The following ITIH2 variants were observed in gnomAD, a reference collection of about 807,000 sequenced individuals.
ITIH2 encodes the protein inter-alpha-trypsin inhibitor heavy chain H2.
In ITIH2, 103 loss-of-function variants were observed where a neutral mutation model predicts 104.4. That is an observed-to-expected ratio of 0.99 (90% confidence interval 0.84 to 1.16). The LOEUF is 1.16. ITIH2 is among the 50% of genes most tolerant of loss of function. The pLI is 0.00. For missense variants in ITIH2, 1,108 were observed against 1,162.4 expected (o/e 0.95, Z 0.68); for synonymous variants, 436 against 435.4 (o/e 1.00, Z -0.02).
intron 13 of ITIH2, 121 bp from the exon 14 acceptor site, chr10:7,732,217 G>A (rs927888626): frequency 1.0e-4 from 123 of 1,197,100 alleles, no homozygotes; most frequent in African/African-American, 6.0e-4. Flanking sequence ...TCCTTCCTCC[G>A]TAGGCTTTGC....
chr10:7,723,093 A>C (rs1350288907), intron 8 of ITIH2, among the ~76,000 whole-genome samples: 1 of 128,238 alleles, frequency 7.8e-6, no homozygotes, highest in Non-Finnish European at 1.7e-5. Flanking sequence ...AGTGGAGTAG[A>C]GTGGAGTGGC....
intron 3 of ITIH2, among the ~76,000 whole-genome samples, chr10:7,708,178 G>A (rs1051965199): frequency 6.6e-6 from 1 of 152,220 alleles, no homozygotes; most frequent in Admixed American, 6.5e-5. Flanking sequence ...TGGGGAATGA[G>A]ACCTGGTATT....
At position 7,738,817 on chromosome 10, in the gene ITIH2, C is replaced by A. The variant is rs186992607; in HGVS notation, c.2095+59C>A. ...CTCAGCCGACCATAATCCTGGGAAG[C>A]ATTGTGTGCATGAGGCCAGGTGCAG... On this transcript the variant is annotated intron_variant, in intron 16 of 20. Coordinates refer to ENST00000358415, the MANE Select transcript of ITIH2 (RefSeq NM_002216.3). The A allele has an allele frequency of 7.0e-4, 1,061 of 1,506,426 alleles. 7 individuals are homozygous for A. In the African/African-American group the frequency reaches 0.013, roughly 18 times the overall value. The allele number at this position is 1,506,426 out of a possible 1,614,324, so 93.3% of individuals were successfully genotyped here.
At chr10:7,708,463 C>T (rs1392340855) in intron 3 of ITIH2, among the ~76,000 whole-genome samples, 1 of 152,162 alleles carries the variant, frequency 6.6e-6, no homozygotes, top group East Asian at 1.9e-4. Context: ...TCACTGTTCT[C>T]CTAGCTTGTT....
rs1263719528 is a variant in ITIH2, at chr10:7,749,249, T to G, written c.2756T>G (p.Val919Gly). ...VFGTDVTCWF[V>G]HNSGKGFIDG... ...GGAACGGACGTTACCTGCTGGTTTG[T>G]GCACAACAGTGGAAAAGGATTCATT... The change falls in exon 21 of 21, where the codon GTG becomes GGG. Residue 919 changes from valine (V) to glycine (G), a missense_variant. Transcript: ENST00000358415. The G allele has an allele frequency of 3.1e-6, 5 of 1,614,130 alleles. No individual in the cohort carries two copies. The highest frequency in any genetic ancestry group is 3.3e-5 in the Admixed American group (2 of 60,016).
intron 6 of ITIH2, among the ~76,000 whole-genome samples, chr10:7,719,900 G>A (rs1318336706): frequency 6.8e-6 from 1 of 146,208 alleles, no homozygotes; most frequent in Non-Finnish European, 1.5e-5. Flanking sequence ...ATAGGGTGGG[G>A]AATGATAGAC....
intron 11 of ITIH2, 31 bp from the exon 12 acceptor site, chr10:7,729,921 T>C: frequency 7.2e-6 from 11 of 1,530,782 alleles, no homozygotes; most frequent in Non-Finnish European, 9.7e-6. Flanking sequence ...TGCTTCTTCA[T>C]TCCTTTCCTT....
chr10:7,745,869 C>CG (rs1044149098), intron 19 of ITIH2, among the ~76,000 whole-genome samples: 4 of 151,338 alleles, frequency 2.6e-5, no homozygotes, highest in African/African-American at 9.7e-5. Context: ...ATTCTCTTCC[C>CG]TCAGCCTCCC....
At position 7,720,892 on chromosome 10, in the gene ITIH2, TTTC is replaced by T; in HGVS notation, c.671_673del (p.Leu224del). ...GGTTATCGAACCACAGGGACTGAGA[TTTC>T]TTCATGTTCCCGACACATTTGAAGG... On this transcript the variant is annotated inframe_deletion, in exon 7 of 21. Coordinates refer to ENST00000358415, the MANE Select transcript of ITIH2 (RefSeq NM_002216.3). The T allele has an allele frequency of 1.2e-6, 2 of 1,613,742 alleles. No individual in the cohort carries two copies. Among genetic ancestry groups the T allele is most frequent in the Non-Finnish European group, 1.7e-6 (2 of 1,179,616 alleles).
intron 16 of ITIH2, 86 bp from the exon 17 acceptor site, chr10:7,743,055 GATTAA>G (rs1377222787): frequency 1.6e-5 from 11 of 702,210 alleles, no homozygotes; most frequent in Admixed American, 2.6e-5. Context: ...TATTTGTTCT[GATTAA>G]ATTAAAGATG....
At chr10:7,744,376 T>G (rs1835156370) in intron 18 of ITIH2, 96 bp downstream of exon 18, 1 of 1,065,868 alleles carries the variant, frequency 9.4e-7, no homozygotes, top group African/African-American at 1.6e-5. Flanking sequence ...AAAAAAATCA[T>G]CATTTTAAAT....
chr10:7,713,632 G>A (rs149434018), intron 5 of ITIH2, among the ~76,000 whole-genome samples: 266 of 152,330 alleles, frequency 1.7e-3, no homozygotes, highest in Non-Finnish European at 2.9e-3. Flanking sequence ...CATATAAGCA[G>A]AAGGAAAAGT....
At chr10:7,703,575 T>G (rs1377978371) in intron 1 of ITIH2, 57 bp downstream of exon 1, 1 of 1,050,828 alleles carries the variant, frequency 9.5e-7, no homozygotes, top group East Asian at 2.4e-5. Context: ...CAGTAAATCA[T>G]CTATTGGAAT....
At chr10:7,735,674 CTTTT>C (rs35122608) in intron 15 of ITIH2, among the ~76,000 whole-genome samples, 2 of 130,550 alleles carry the variant, frequency 1.5e-5, no homozygotes, top group Non-Finnish European at 1.6e-5. Flanking sequence ...CTTTTCTTTT[CTTTT>C]TTTTTTTTTT....
chr10:7,748,846 G>A (rs1249165987), intron 20 of ITIH2, among the ~76,000 whole-genome samples: 1 of 151,918 alleles, frequency 6.6e-6, no homozygotes, highest in East Asian at 1.9e-4. Flanking sequence ...ATGCCTGGCT[G>A]CTGACTCATT....
At chr10:7,720,633 C>T (rs937724553) in intron 6 of ITIH2, among the ~76,000 whole-genome samples, 4 of 152,162 alleles carry the variant, frequency 2.6e-5, no homozygotes, top group Admixed American at 1.3e-4. Flanking sequence ...GGGAGTGAGG[C>T]AGCAGAAGGA....
At chr10:7,724,570 C>CAAA (rs374923183) in intron 9 of ITIH2, among the ~76,000 whole-genome samples, 6 of 51,842 alleles carry the variant, frequency 1.2e-4, no homozygotes, top group East Asian at 5.5e-4. Context: ...AACTCCATCT[C>CAAA]AAAAAAAAAA....
At position 7,746,611 on chromosome 10, in the gene ITIH2, CAA is replaced by C; in HGVS notation, c.2602_2603del (p.Lys868AspfsTer6). 1 of 1,613,006 alleles carries C rather than the reference CAA, an allele frequency of 6.2e-7. No individual in the cohort carries two copies. The highest frequency in any genetic ancestry group is 1.1e-5 in the South Asian group (1 of 90,994). On this transcript the variant is annotated frameshift_variant, in exon 20 of 21. Transcript: ENST00000358415. LOFTEE classifies it high-confidence loss of function. ...TTGCTAGGCCAGTTCATGCAGGAAC[CAA>C]AGATACACATCTTCAATGAGAGACC...
intron 1 of ITIH2, among the ~76,000 whole-genome samples, chr10:7,703,980 A>C (rs904237303): frequency 1.3e-5 from 2 of 152,262 alleles, no homozygotes; most frequent in African/African-American, 4.8e-5. Flanking sequence ...ACTGTTTTTC[A>C]TATCTAAGTG....
Sources: gnomAD v4.1 joint callset for allele counts (sites outside exome capture counted in the v4.1 genomes callset) on GRCh38, gnomAD v4.1.1 for gene constraint, MANE v1.5 for transcripts, NCBI Gene and HGNC (gene_info 2026-07-23, HGNC 2026-07-21) for gene names.